The following NPHS1 variants were observed in gnomAD, a reference collection of about 807,000 sequenced individuals.
NPHS1 encodes the protein NPHS1 adhesion molecule, nephrin.
A neutral mutation model predicts 139.7 loss-of-function variants in NPHS1; 107 were observed. The ratio of observed to expected loss-of-function variants is 0.77; its 90% CI spans 0.66 to 0.90. The LOEUF is 0.90. Ranked by LOEUF, NPHS1 falls within the 40% of genes least tolerant of loss-of-function variation. The probability of loss-of-function intolerance (pLI) is 0.00; values close to 1 mark genes in which losing one functional copy is unlikely to be tolerated. For synonymous variants in NPHS1, 707 were observed against 706.6 expected (o/e 1.00, Z -0.01); for missense variants, 1,580 against 1,654.2 (o/e 0.96, Z 0.78).
intron 20 of NPHS1, among the ~76,000 whole-genome samples, chr19:35,841,357 G>A (rs1368800621): frequency 6.6e-6 from 1 of 151,554 alleles, no homozygotes; most frequent in Middle Eastern, 3.2e-3. Flanking sequence ...TGGGTGACAA[G>A]AGTGAATCTC....
intron 22 of NPHS1, among the ~76,000 whole-genome samples, chr19:35,838,657 G>C (rs1439335186): frequency 6.6e-6 from 1 of 152,008 alleles, no homozygotes; most frequent in African/African-American, 2.4e-5. Flanking sequence ...AGACCAGCCT[G>C]ACCAACATGG....
In NPHS1 at chr19:35,839,503, A is replaced by C; in HGVS notation, c.2920T>G (p.Cys974Gly). The part of the protein sequence containing the change: ...GFDGGLPQRF[C>G]IRYEALGTPG... Reference sequence around the variant, plus strand: ...GCCTCGACAAGGACCCACCTGATGCAGAACCTCTGTGGCAGGCCCCCATCA... The same window carrying C: ...GCCTCGACAAGGACCCACCTGATGCCGAACCTCTGTGGCAGGCCCCCATCA... The change falls in exon 21 of 29, where the codon TGC becomes GGC. Residue 974 changes from cysteine to glycine, a missense_variant. By Grantham distance (159) the Cys-to-Gly change is radical. Coordinates refer to ENST00000378910, the MANE Select transcript of NPHS1 (RefSeq NM_004646.4). 1 of 1,614,124 alleles carries C rather than the reference A, an allele frequency of 6.2e-7. No homozygotes were observed. Among genetic ancestry groups the C allele is most frequent in the Non-Finnish European group, 8.5e-7 (1 of 1,179,972 alleles).
At chr19:35,846,320 G>A (rs1973141798) in intron 11 of NPHS1, 126 bp from the exon 12 acceptor site, 2 of 991,824 alleles carry the variant, frequency 2.0e-6, no homozygotes, top group African/African-American at 3.2e-5. Context: ...ATAAGGAGAA[G>A]CACTCTCATC....
intron 20 of NPHS1, 41 bp from the exon 21 acceptor site, chr19:35,839,648 A>C (rs1568452242): frequency 6.7e-7 from 1 of 1,485,994 alleles, no homozygotes; most frequent in East Asian, 2.3e-5. Context: ...AGGATACAAA[A>C]GAATTCCAGA....
rs1443351782 is a variant in NPHS1, at chr19:35,845,058, AG to A, written c.1930+309del. The stretch of plus-strand genomic sequence containing the variant: ...CAACGCAGGAGAACTGCTTGAGCCC[AG>A]GGGTTCAAGACCAGCCTGGGCAACA... On this transcript the variant is annotated intron_variant, in intron 14 of 28. Coordinates refer to ENST00000378910, the MANE Select transcript of NPHS1 (RefSeq NM_004646.4). The surrounding 1 kb of genome is among the most constrained non-coding windows in gnomAD (Gnocchi z 5.5). Among the ~76,000 whole-genome samples, 5 of 152,194 alleles carry A rather than the reference AG, an allele frequency of 3.3e-5. No homozygotes were observed. The highest frequency in any genetic ancestry group is 7.3e-5 in the Non-Finnish European group (5 of 68,028).
At chr19:35,829,114 G>A (rs1972838722) in intron 28 of NPHS1, among the ~76,000 whole-genome samples, 1 of 152,242 alleles carries the variant, frequency 6.6e-6, no homozygotes, top group Non-Finnish European at 1.5e-5. Flanking sequence ...TTCCCTGTGA[G>A]CTCTCTGTCC....
intron 22 of NPHS1, among the ~76,000 whole-genome samples, chr19:35,836,576 T>A (rs1010292277): frequency 8.5e-5 from 13 of 152,076 alleles, no homozygotes; most frequent in Non-Finnish European, 2.9e-5. Flanking sequence ...ATACTTTATG[T>A]TTTAGTGTTC....
chr19:35,842,634 T>A, intron 17 of NPHS1, 84 bp from the exon 18 acceptor site: 2 of 1,384,836 alleles, frequency 1.4e-6, no homozygotes, highest in Non-Finnish European at 2.0e-6. Flanking sequence ...GTAGCCTCAT[T>A]CTCCTAGCCA....
Position 35,851,609 on chromosome 19 carries a change from A to T in NPHS1, c.122T>A (p.Leu41Gln). The change falls in exon 2 of 29, where the codon CTG becomes CAG. Residue 41 changes from leucine (L) to glutamine (Q), a missense_variant. By Grantham distance (113) the Leu-to-Gln change is moderately radical. Coordinates refer to ENST00000378910, the MANE Select transcript of NPHS1 (RefSeq NM_004646.4). Reference sequence around the variant, plus strand: ...CACTGAGGCCCCCTCCACCACCGTCAGGTTTTCAGGCAGGGCCCAGAAGCC... The same window carrying T: ...CACTGAGGCCCCCTCCACCACCGTCTGGTTTTCAGGCAGGGCCCAGAAGCC... ...PRGFWALPENLTVVEGASVEL... is the reference protein window; with the variant it reads ...PRGFWALPENQTVVEGASVEL... 1.2e-6 allele frequency: 2 copies of T among 1,612,574 alleles called. No individual in the cohort carries two copies. The highest frequency in any genetic ancestry group is 1.7e-6 in the Non-Finnish European group (2 of 1,179,864).
At position 35,845,976 on chromosome 19, in the gene NPHS1, C is replaced by T; in HGVS notation, c.1627+32G>A. ...CCACCTGGCTCTGTCCCTCCCGCCCCGCCCCCGGGCCTCAGCAGTGCGAGC... is the reference window on the plus strand; with the variant it reads ...CCACCTGGCTCTGTCCCTCCCGCCCTGCCCCCGGGCCTCAGCAGTGCGAGC... On this transcript the variant is annotated intron_variant, in intron 12 of 28. Coordinates refer to ENST00000378910, the MANE Select transcript of NPHS1 (RefSeq NM_004646.4). This position sits in a 1 kb window ranked among gnomAD's most constrained non-coding sequence, Gnocchi z 5.5. 2 of 1,548,870 alleles carry T rather than the reference C, an allele frequency of 1.3e-6. No individual in the cohort carries two copies. Among genetic ancestry groups the T allele is most frequent in the Non-Finnish European group, 1.7e-6 (2 of 1,144,902 alleles).
intron 23 of NPHS1, among the ~76,000 whole-genome samples, chr19:35,835,058 G>A (rs909010030): frequency 2.8e-4 from 42 of 151,496 alleles, no homozygotes; most frequent in Admixed American, 1.5e-3. Flanking sequence ...CAATTAGCCA[G>A]GTGTGGTGGC....
At chr19:35,844,079 G>T (rs1361684633) in intron 16 of NPHS1, 24 bp downstream of exon 16, 2 of 1,604,234 alleles carry the variant, frequency 1.2e-6, no homozygotes, top group Non-Finnish European at 1.7e-6. Flanking sequence ...GGTGGGTGTG[G>T]TTTCCATGGT....
chr19:35,835,654 G>T, intron 23 of NPHS1, 51 bp downstream of exon 23: 1 of 1,497,284 alleles, frequency 6.7e-7, no homozygotes, highest in Non-Finnish European at 9.3e-7. Flanking sequence ...CAGAGACCAG[G>T]AGGTTCCATT....
At chr19:35,837,080 C>G (rs1034738777) in intron 22 of NPHS1, among the ~76,000 whole-genome samples, 1 of 132,434 alleles carries the variant, frequency 7.6e-6, no homozygotes. Context: ...GAAAAATAAA[C>G]TGAGCCACAA....
At chr19:35,843,932 G>T in intron 16 of NPHS1, 171 bp downstream of exon 16, 1 of 906,274 alleles carries the variant, frequency 1.1e-6, no homozygotes, top group Non-Finnish European at 1.6e-6. Context: ...GGTCTCTCTA[G>T]TGGGAGGGGT....
chr19:35,849,204 C>A (rs566507562), intron 7 of NPHS1, 32 bp downstream of exon 7: 2 of 1,613,430 alleles, frequency 1.2e-6, no homozygotes, highest in Non-Finnish European at 1.7e-6. Flanking sequence ...CCCCACTGTC[C>A]CCCCATTCCC....
intron 5 of NPHS1, among the ~76,000 whole-genome samples, 199 bp from the exon 6 acceptor site, chr19:35,849,852 G>T (rs1001316458): frequency 4.6e-5 from 7 of 152,132 alleles, no homozygotes; most frequent in Admixed American, 1.3e-4. Context: ...CCCCACATCT[G>T]ACCAAAACTT....
rs2146819462 is a variant in NPHS1 at position 35,842,226 on chromosome 19, T to A, written c.2561A>T (p.Asp854Val). The change falls in exon 19 of 29, where the codon GAC (aspartate) becomes GTC (valine). Residue 854 changes from aspartate to valine, a missense_variant. Transcript: ENST00000378910. ...GTGGAGGGTGGCAGAACTGGTGCTGTCTCCAGCTGCAGCCACCTTAGTTAG... is the reference window on the plus strand; with the variant it reads ...GTGGAGGGTGGCAGAACTGGTGCTGACTCCAGCTGCAGCCACCTTAGTTAG... ...TPLTKVAAAG[D>V]STSSATLHCR... 3 of 1,613,202 alleles carry A rather than the reference T, an allele frequency of 1.9e-6. No homozygotes were observed. The highest frequency in any genetic ancestry group is 1.7e-6 in the Non-Finnish European group (2 of 1,179,746).
rs750620092 is a variant in NPHS1, at chr19:35,842,178, T to C, written c.2609A>G (p.Asn870Ser). The change falls in exon 19 of 29, where the codon AAC becomes AGC. Residue 870 changes from asparagine to serine, a missense_variant. By Grantham distance (46) the Asn-to-Ser change is conservative. Transcript: ENST00000378910. ...TLHCRARGVP[N>S]IVFTWTKNGV... Reference sequence around the variant, plus strand: ...GTTTTTTGTCCAAGTGAAAACGATGTTGGGGACACCTCGGGCACGGCAGTG... The same window carrying C: ...GTTTTTTGTCCAAGTGAAAACGATGCTGGGGACACCTCGGGCACGGCAGTG... 1.9e-6 allele frequency: 3 copies of C among 1,611,340 alleles called. No individual in the cohort carries two copies. Among genetic ancestry groups the C allele is most frequent in the East Asian group, 2.2e-5 (1 of 44,832 alleles).
Sources: gnomAD v4.1 joint callset for allele counts (sites outside exome capture counted in the v4.1 genomes callset) on GRCh38, gnomAD v4.1.1 for gene constraint, Gnocchi (gnomAD v3.1) non-coding constraint, MANE v1.5 for transcripts, NCBI Gene and HGNC (gene_info 2026-07-23, HGNC 2026-07-21) for gene names.